TEK: variants seen among roughly 807,000 people sequenced by gnomAD.
TEK encodes TEK receptor tyrosine kinase, also known as angiopoietin-1 receptor.
A neutral mutation model predicts 131.8 loss-of-function variants in TEK; 43 were observed. The observed-to-expected ratio is 0.33, with a 90% CI of 0.26 to 0.42. TEK has a LOEUF of 0.42. Ranked by LOEUF, TEK falls within the 10% of genes least tolerant of loss-of-function variation. The probability of loss-of-function intolerance (pLI) is 1.00; values close to 1 mark genes in which losing one functional copy is unlikely to be tolerated. For missense variants in TEK, 1,162 were observed against 1,384.4 expected, an observed-to-expected ratio of 0.84 and a Z score of 2.55; for synonymous variants, 580 against 491.6, an observed-to-expected ratio of 1.18 and a Z score of -2.38.
At chr9:27,212,118 T>C (rs187677828) in intron 16 of TEK, among the ~76,000 whole-genome samples, 86 of 152,234 alleles carry the variant, frequency 5.6e-4, no homozygotes, top group Non-Finnish European at 1.1e-3. Context: ...TGAAGCAAAA[T>C]GCAATCTTTG....
At chr9:27,173,742 T>TG (rs1824056860) in intron 6 of TEK, among the ~76,000 whole-genome samples, 1 of 137,018 alleles carries the variant, frequency 7.3e-6, no homozygotes, top group Admixed American at 7.6e-5. Flanking sequence ...TTTTGGTTTT[T>TG]TTTTTTTTTT....
chr9:27,154,596 G>T (rs1823257867), intron 1 of TEK, among the ~76,000 whole-genome samples: 1 of 152,136 alleles, frequency 6.6e-6, no homozygotes, highest in South Asian at 2.1e-4. Flanking sequence ...AAATTCTTTA[G>T]GCAGATACTA....
chr9:27,223,734 A>T (rs1373458817), intron 21 of TEK, among the ~76,000 whole-genome samples: 1 of 152,230 alleles, frequency 6.6e-6, no homozygotes, highest in Non-Finnish European at 1.5e-5. Context: ...AAACAAATGC[A>T]AAAACTAGCA....
intron 21 of TEK, among the ~76,000 whole-genome samples, chr9:27,225,836 C>G (rs1206275914): frequency 6.6e-6 from 1 of 152,140 alleles, no homozygotes; most frequent in African/African-American, 2.4e-5. Flanking sequence ...GCAATCTATC[C>G]TTCTGACAAA....
At chr9:27,118,780 C>T (rs1363793674) in intron 1 of TEK, among the ~76,000 whole-genome samples, 9 of 152,150 alleles carry the variant, frequency 5.9e-5, no homozygotes, top group Non-Finnish European at 5.9e-5. Context: ...CAACTAACAA[C>T]AGCAGTTGGT....
At chr9:27,166,862 T>G (rs1823750127) in intron 2 of TEK, among the ~76,000 whole-genome samples, 1 of 152,222 alleles carries the variant, frequency 6.6e-6, no homozygotes. Context: ...TGCCACCTTA[T>G]CCTATCTTTT....
chr9:27,146,720 AT>A (rs34727945), intron 1 of TEK, among the ~76,000 whole-genome samples: 16,096 of 113,428 alleles, frequency 0.14, 676 homozygotes, highest in Middle Eastern at 0.21. Flanking sequence ...TAAACATTCT[AT>A]TTTTTTTTTT....
At chr9:27,181,900 G>T (rs985423611) in intron 7 of TEK, among the ~76,000 whole-genome samples, 3 of 152,062 alleles carry the variant, frequency 2.0e-5, no homozygotes, top group Non-Finnish European at 2.9e-5. Context: ...CAATAATACA[G>T]CTATGGCCTT....
At position 27,123,620 on chromosome 9, in the gene TEK, C is replaced by G. The variant is rs1028492815; in HGVS notation, c.52+13978C>G. The stretch of plus-strand genomic sequence containing the variant: ...ACCAATTCTAGGAGACTTGCATAAT[C>G]TTTTTTATTGTTTTTGAGTATCACG... On this transcript the variant is annotated intron_variant, in intron 1 of 22. Coordinates refer to ENST00000380036, the MANE Select transcript of TEK (RefSeq NM_000459.5). Among the ~76,000 whole-genome samples the G allele has an allele frequency of 2.6e-5, 4 of 152,074 alleles. No individual in the cohort carries two copies. The South Asian group carries it at 8.3e-4, about 32-fold the overall frequency.
At chr9:27,212,978 G>A in intron 17 of TEK, 81 bp downstream of exon 17, 2 of 1,440,700 alleles carry the variant, frequency 1.4e-6, no homozygotes, top group Middle Eastern at 2.0e-4. Context: ...TGTAGGGTCT[G>A]TCAACCTCTC....
chr9:27,216,226 C>G (rs1427304689), intron 18 of TEK, among the ~76,000 whole-genome samples: 1 of 152,064 alleles, frequency 6.6e-6, no homozygotes, highest in Non-Finnish European at 1.5e-5. Flanking sequence ...GCATGATCAT[C>G]CTGACTACAG....
intron 16 of TEK, 27 bp from the exon 17 acceptor site, chr9:27,212,680 A>G (rs1366983011): frequency 1.9e-6 from 3 of 1,612,966 alleles, no homozygotes; most frequent in African/African-American, 2.7e-5. Context: ...GCCACTGATG[A>G]GTCGATGCTC....
At chr9:27,191,297 A>G (rs1824813808) in intron 10 of TEK, among the ~76,000 whole-genome samples, 1 of 152,326 alleles carries the variant, frequency 6.6e-6, no homozygotes, top group Middle Eastern at 3.4e-3. Flanking sequence ...AAAGAAAAAA[A>G]TAATTGAACA....
At chr9:27,164,848 T>G (rs1107774) in intron 2 of TEK, among the ~76,000 whole-genome samples, 3 of 151,942 alleles carry the variant, frequency 2.0e-5, no homozygotes, top group African/African-American at 4.8e-5. Flanking sequence ...ACAATTAAAT[T>G]TGTGTAAAGT....
At chr9:27,199,166 A>C (rs1166245089) in intron 12 of TEK, among the ~76,000 whole-genome samples, 1 of 152,162 alleles carries the variant, frequency 6.6e-6, no homozygotes, top group Non-Finnish European at 1.5e-5. Flanking sequence ...TCATTTTTTG[A>C]ATGGACATTA....
chr9:27,182,908 C>T (rs193056078), intron 7 of TEK, among the ~76,000 whole-genome samples: 1 of 152,284 alleles, frequency 6.6e-6, no homozygotes, highest in Non-Finnish European at 1.5e-5. Flanking sequence ...TGATGTACTT[C>T]TTTTGTGAGC....
At chr9:27,162,631 T>C (rs1823586121) in intron 2 of TEK, among the ~76,000 whole-genome samples, 1 of 152,212 alleles carries the variant, frequency 6.6e-6, no homozygotes, top group African/African-American at 2.4e-5. Context: ...TGCACCTAAA[T>C]AACCAAAGGA....
At chr9:27,226,095 G>C (rs1826316320) in intron 21 of TEK, among the ~76,000 whole-genome samples, 1 of 152,228 alleles carries the variant, frequency 6.6e-6, no homozygotes, top group South Asian at 2.1e-4. Context: ...ATGCTGGAGA[G>C]GATGTGGAGA....
At chr9:27,162,926 G>C (rs1290392102) in intron 2 of TEK, among the ~76,000 whole-genome samples, 1 of 152,080 alleles carries the variant, frequency 6.6e-6, no homozygotes, top group Non-Finnish European at 1.5e-5. Context: ...ATGTTGGCCG[G>C]GGTGGTCTCC....
Sources: allele counts gnomAD v4.1 joint callset (sites outside exome capture counted in the v4.1 genomes callset), GRCh38; gene constraint gnomAD v4.1.1; transcripts MANE v1.5; gene names NCBI Gene and HGNC (gene_info 2026-07-23, HGNC 2026-07-21).